ANKDD1B: variants seen among roughly 807,000 people sequenced by gnomAD.
The protein encoded by ANKDD1B is ankyrin repeat and death domain containing 1B.
ANKDD1B carries 57 observed loss-of-function variants against 59.7 expected under a neutral mutation model. The ratio of observed to expected loss-of-function variants is 0.95; its 90% CI spans 0.77 to 1.19. The LOEUF (loss-of-function observed/expected upper bound fraction) is 1.19. Ranked by LOEUF, ANKDD1B falls within the 50% of genes most tolerant of loss-of-function variation. ANKDD1B has a pLI of 0.00. For synonymous variants in ANKDD1B, 216 were observed against 239.5 expected (o/e 0.90, Z 0.91); for missense variants, 602 against 641.9 (o/e 0.94, Z 0.67).
chr5:75,668,501 G>C (rs552807795), intron 12 of ANKDD1B, among the ~76,000 whole-genome samples: 1 of 152,140 alleles, frequency 6.6e-6, no homozygotes, highest in Non-Finnish European at 1.5e-5. Flanking sequence ...TGAAATGCCC[G>C]CTTCTCCATA....
chr5:75,625,891 A>G lies in ANKDD1B; in HGVS notation c.536A>G (p.His179Arg), dbSNP rs778435023. ...CTCCACTTTGCCACTCAGAGCAATC[A>G]TGTGCGCATCGTGGAGTATCTTATT... ...SALHFATQSN[H>R]VRIVEYLIQD... The change falls in exon 5 of 14, where the codon CAT becomes CGT. Residue 179 changes from histidine (H) to arginine (R), a missense_variant. His to Arg is a conservative substitution (Grantham distance 29). This residue lies in a region of ANKDD1B where 317 missense variants were observed against 304.6 expected (regional missense o/e 1.04). Coordinates refer to ENST00000601380, the MANE Select transcript of ANKDD1B (RefSeq NM_001276713.2). 14 of 1,536,156 alleles carry G rather than the reference A, an allele frequency of 9.1e-6. No homozygotes were observed. Among genetic ancestry groups the G allele is most frequent in the African/African-American group, 6.8e-5 (5 of 73,038 alleles).
At chr5:75,630,856 A>G (rs1304487219) in intron 5 of ANKDD1B, among the ~76,000 whole-genome samples, 1 of 152,226 alleles carries the variant, frequency 6.6e-6, no homozygotes, top group African/African-American at 2.4e-5. Context: ...TATACTTTTC[A>G]TATAGTAGGA....
At chr5:75,648,462 C>A (rs1774718965) in intron 7 of ANKDD1B, among the ~76,000 whole-genome samples, 1 of 151,990 alleles carries the variant, frequency 6.6e-6, no homozygotes, top group South Asian at 2.1e-4. Flanking sequence ...CACTGCCTTA[C>A]CCTTGTCCTT....
At position 75,666,644 on chromosome 5, in the gene ANKDD1B, ATAT is replaced by A. The variant is rs773413399; in HGVS notation, c.1192-147_1192-145del. ...CCATTTTGGATGGCAAAAAAAAAAA[ATAT>A]ATATATGATCCAGTGACAGGAGGCA... On this transcript the variant is annotated intron_variant, in intron 11 of 13. Transcript: ENST00000601380. The A allele has an allele frequency of 3.7e-3, 1,795 of 490,886 alleles. 26 individuals are homozygous for A. Among genetic ancestry groups the A allele is most frequent in the African/African-American group, 0.034 (1,661 of 49,246 alleles). 30.4% of individuals were successfully genotyped at this position (490,886 alleles called of 1,614,324 possible).
Position 75,656,078 on chromosome 5 carries a change from T to C in ANKDD1B, c.947T>C (p.Val316Ala), listed in dbSNP as rs1458432569. 3.9e-6 allele frequency: 6 copies of C among 1,529,942 alleles called. No individual in the cohort carries two copies. The East Asian group carries it at 1.5e-4, about 37-fold the overall frequency. The allele number at this position is 1,529,942 out of a possible 1,614,324, so 94.8% of individuals were successfully genotyped here. Residue 316 changes from valine (V) to alanine (A), a missense_variant, in exon 9 of 14, where the codon GTT becomes GCT. This residue lies in a region of ANKDD1B where 280 missense variants were observed against 319.8 expected (regional missense o/e 0.88). Transcript: ENST00000601380. The stretch of plus-strand genomic sequence containing the variant: ...GTTGTTATCAACAACCACATCACGG[T>C]TGTAAACAGTTTATTAAGTGCACAG... ...HLVVINNHIT[V>A]VNSLLSAQHD...
intron 5 of ANKDD1B, among the ~76,000 whole-genome samples, chr5:75,627,731 T>C (rs1202915061): frequency 6.6e-6 from 1 of 152,202 alleles, no homozygotes; most frequent in Non-Finnish European, 1.5e-5. Context: ...ACACAGTTAT[T>C]TTCCCCTTCA....
chr5:75,658,462 A>G (rs190341743), intron 9 of ANKDD1B, among the ~76,000 whole-genome samples: 21 of 152,322 alleles, frequency 1.4e-4, no homozygotes, highest in African/African-American at 4.8e-4. Context: ...TTGTGATTTC[A>G]GATATTTCTT....
chr5:75,654,618 T>C (rs1226932899), intron 8 of ANKDD1B, among the ~76,000 whole-genome samples: 1 of 151,996 alleles, frequency 6.6e-6, no homozygotes, highest in East Asian at 1.9e-4. Flanking sequence ...AGTTTCAGGT[T>C]ACAGTGAATG....
intron 8 of ANKDD1B, among the ~76,000 whole-genome samples, 182 bp from the exon 9 acceptor site, chr5:75,655,847 G>C (rs760668097): frequency 1.1e-3 from 174 of 152,326 alleles, no homozygotes; most frequent in Middle Eastern, 3.4e-3. Context: ...GCTGGGGAAC[G>C]AGTTTGTTTC....
chr5:75,654,880 T>C (rs554591024), intron 8 of ANKDD1B, among the ~76,000 whole-genome samples: 3 of 152,300 alleles, frequency 2.0e-5, no homozygotes, highest in African/African-American at 7.2e-5. Context: ...GCTCCGGATC[T>C]GCACAGTGTC....
chr5:75,620,191 A>AGAGTG (rs1773810217), intron 2 of ANKDD1B, 124 bp from the exon 3 acceptor site: 1 of 579,136 alleles, frequency 1.7e-6, no homozygotes, highest in Middle Eastern at 3.9e-4. Flanking sequence ...GTAAAGGCAA[A>AGAGTG]GAGTGGAGCC....
intron 10 of ANKDD1B, 91 bp downstream of exon 10, chr5:75,659,472 C>G (rs749810284): frequency 5.4e-6 from 5 of 925,316 alleles, no homozygotes; most frequent in Non-Finnish European, 8.4e-6. Flanking sequence ...TTGGAATATC[C>G]TTTGTGAAAT....
intron 5 of ANKDD1B, among the ~76,000 whole-genome samples, chr5:75,626,404 A>G (rs1233560770): frequency 6.6e-6 from 1 of 152,228 alleles, no homozygotes. Flanking sequence ...TAACAATACC[A>G]GCTACTACTT....
At chr5:75,663,868 G>C (rs115764360) in intron 11 of ANKDD1B, among the ~76,000 whole-genome samples, 2 of 152,164 alleles carry the variant, frequency 1.3e-5, no homozygotes, top group African/African-American at 4.8e-5. Flanking sequence ...TGTGTGGCTC[G>C]GCAGTTTTCA....
intron 12 of ANKDD1B, among the ~76,000 whole-genome samples, chr5:75,667,747 G>T (rs557842634): frequency 6.6e-6 from 1 of 152,304 alleles, no homozygotes; most frequent in Admixed American, 6.5e-5. Context: ...TCTTGGCAAA[G>T]TTTTCTATTC....
At chr5:75,616,469 T>C (rs1256576307) in intron 1 of ANKDD1B, among the ~76,000 whole-genome samples, 2 of 152,124 alleles carry the variant, frequency 1.3e-5, no homozygotes, top group Non-Finnish European at 2.9e-5. Flanking sequence ...TTGTACAAGG[T>C]TTTTTACAAA....
chr5:75,635,787 G>T lies in ANKDD1B; in HGVS notation c.703G>T (p.Gly235Ter). ...NLHTSEKDKG[G>*]NTALHLAAKH... ...GTCGAGTGTGTCTCTGTTGCAGGGG[G>T]GAAACACTGCCTTGCACCTCGCTGC... The change falls in exon 7 of 14, where the codon GGA (glycine) becomes TGA (stop). Residue 235 changes from glycine to a stop codon, truncating the protein, a stop_gained. Coordinates refer to ENST00000601380, the MANE Select transcript of ANKDD1B (RefSeq NM_001276713.2). LOFTEE classifies it high-confidence loss of function. 6.5e-7 allele frequency: 1 copy of T among 1,527,914 alleles called. No homozygotes were observed. The highest frequency in any genetic ancestry group is 8.8e-7 in the Non-Finnish European group (1 of 1,140,250). 94.6% of individuals were successfully genotyped at this position (1,527,914 alleles called of 1,614,324 possible). A position where few individuals can be genotyped will look rare whatever the true frequency, so the allele number is the denominator to read the frequency against.
chr5:75,615,588 T>C lies in ANKDD1B; in HGVS notation c.194-1216T>C, dbSNP rs185488390. ...AGGCTACAAGTCCAACATCAAGATG[T>C]TGGAAAAGTTCAATTCTTCTTAGGC... On this transcript the variant is annotated intron_variant, in intron 1 of 13. Transcript: ENST00000601380. Among the ~76,000 whole-genome samples the C allele has an allele frequency of 1.8e-3, 274 of 152,166 alleles. 1 individual carries two copies. Among genetic ancestry groups the C allele is most frequent in the African/African-American group, 6.2e-3 (257 of 41,506 alleles).
chr5:75,668,698 G>A (rs1036481291), intron 12 of ANKDD1B, among the ~76,000 whole-genome samples: 4 of 152,210 alleles, frequency 2.6e-5, no homozygotes, highest in Admixed American at 2.6e-4. Flanking sequence ...GCTGAGATAT[G>A]CAGTGAGTAT....
Sources: allele counts gnomAD v4.1 joint callset (sites outside exome capture counted in the v4.1 genomes callset), GRCh38; gene constraint gnomAD v4.1.1; regional missense constraint gnomAD v4.1.1; transcripts MANE v1.5; gene names NCBI Gene and HGNC (gene_info 2026-07-23, HGNC 2026-07-21).